Variants in DISC1 observed in about 807,000 individuals in gnomAD.
DISC1 encodes DISC1 scaffold protein.
A neutral mutation model predicts 84.5 loss-of-function variants in DISC1; 57 were observed. The observed-to-expected ratio is 0.67, with a 90% CI of 0.55 to 0.84. The LOEUF (loss-of-function observed/expected upper bound fraction) is 0.84, where lower values mean the gene tolerates loss of function less well. Among genes scored for constraint, DISC1 ranks in the 40% least tolerant of loss-of-function variants. The pLI is 0.00. For missense variants in DISC1, 1,000 were observed against 1,057.8 expected, an observed-to-expected ratio of 0.95 and a Z score of 0.76; for synonymous variants, 411 against 415.2, an observed-to-expected ratio of 0.99 and a Z score of 0.12.
intron 9 of DISC1, among the ~76,000 whole-genome samples, chr1:231,895,875 A>G (rs1350690145): frequency 2.0e-5 from 3 of 152,098 alleles, no homozygotes; most frequent in East Asian, 3.9e-4. Flanking sequence ...CTTTGCCCCA[A>G]ATTCATTTCC....
intron 9 of DISC1, among the ~76,000 whole-genome samples, chr1:231,887,485 T>C (rs988535822): frequency 2.0e-5 from 3 of 152,258 alleles, no homozygotes; most frequent in African/African-American, 7.2e-5. Context: ...GCTCCATTCA[T>C]GTAAAGAGTT....
intron 9 of DISC1, among the ~76,000 whole-genome samples, chr1:231,958,503 A>G (rs1415970201): frequency 1.3e-5 from 2 of 152,240 alleles, no homozygotes; most frequent in African/African-American, 4.8e-5. Context: ...AATGGCTATC[A>G]GTTGGGAAAG....
Position 231,731,874 on chromosome 1 carries a change from C to G in DISC1, c.1118-18052C>G, listed in dbSNP as rs756911455. Among the ~76,000 whole-genome samples the G allele has an allele frequency of 1.3e-5, 2 of 152,250 alleles. 1 individual carries two copies. Among genetic ancestry groups the G allele is most frequent in the South Asian group, 4.1e-4 (2 of 4,838 alleles). On this transcript the variant is annotated intron_variant, in intron 3 of 12. Coordinates refer to ENST00000439617, the MANE Select transcript of DISC1 (RefSeq NM_018662.3). Reference sequence around the variant, plus strand: ...CACTGTGCAAACCCTGAGCCAGACGCTCTGCTCTCAACAGTTACAACAAAG... The same window carrying G: ...CACTGTGCAAACCCTGAGCCAGACGGTCTGCTCTCAACAGTTACAACAAAG...
chr1:231,693,890 C>T lies in DISC1; in HGVS notation c.132C>T (p.Gly44=). The T allele has an allele frequency of 1.2e-6, 2 of 1,614,170 alleles. No homozygotes were observed. The highest frequency in any genetic ancestry group is 1.7e-4 in the Middle Eastern group (1 of 6,038). ...FRRRRLARRP[G]YMRSSTGPGI... ...GGCGGCGGCTGGCACGGAGGCCGGGCTACATGAGAAGCTCGACAGGGCCTG... is the reference window on the plus strand; with the variant it reads ...GGCGGCGGCTGGCACGGAGGCCGGGTTACATGAGAAGCTCGACAGGGCCTG... The change falls in exon 2 of 13, where the codon GGC becomes GGT. Residue 44 remains glycine (G), a synonymous_variant. Transcript: ENST00000439617.
chr1:231,944,063 G>A (rs184388594), intron 9 of DISC1: 1 of 152,148 alleles, frequency 6.6e-6, no homozygotes, highest in Non-Finnish European at 1.5e-5. Context: ...TAGGAGACCA[G>A]GTATGAGTTT....
intron 9 of DISC1, among the ~76,000 whole-genome samples, chr1:231,947,638 A>G (rs1433155908): frequency 6.6e-6 from 1 of 152,244 alleles, no homozygotes; most frequent in African/African-American, 2.4e-5. Context: ...GCTTCTGCAC[A>G]GCAAAAGAAA....
rs1028094243 is a variant in DISC1, at chr1:232,038,464, A to G, written c.*1633A>G. The G allele has an allele frequency of 3.9e-5, 6 of 152,192 alleles. No individual in the cohort carries two copies. The highest frequency in any genetic ancestry group is 2.0e-4 in the Admixed American group (3 of 15,288). The allele number at this position is 152,192 out of a possible 1,614,324, so 9.4% of individuals were successfully genotyped here. ...TTTGGTAAATACACCATACCATAAT[A>G]TCTGCTTGGAGAACCACAATGCACA... On this transcript the variant is annotated 3_prime_UTR_variant, in exon 13 of 13. Transcript: ENST00000439617.
chr1:231,792,936 C>T (rs2078458550), intron 6 of DISC1, among the ~76,000 whole-genome samples: 1 of 152,192 alleles, frequency 6.6e-6, no homozygotes, highest in East Asian at 1.9e-4. Context: ...TCACATGCCC[C>T]ACCTCTGTCA....
intron 11 of DISC1, among the ~76,000 whole-genome samples, chr1:232,014,138 C>T (rs951547206): frequency 1.3e-5 from 2 of 152,180 alleles, no homozygotes; most frequent in African/African-American, 4.8e-5. Flanking sequence ...TGTTTGTCCT[C>T]CTTGTCTTAA....
intron 6 of DISC1, among the ~76,000 whole-genome samples, chr1:231,783,834 C>T (rs575278066): frequency 6.6e-5 from 10 of 152,284 alleles, no homozygotes; most frequent in South Asian, 2.1e-4. Flanking sequence ...ATCAGCACCT[C>T]GATCACAGGA....
At chr1:231,871,284 G>A (rs553602023) in intron 9 of DISC1, among the ~76,000 whole-genome samples, 1 of 152,294 alleles carries the variant, frequency 6.6e-6, no homozygotes, top group South Asian at 2.1e-4. Flanking sequence ...GGCAGGTTCC[G>A]AGGGCAGCAC....
At chr1:231,831,849 TGG>T (rs59813729) in intron 9 of DISC1, among the ~76,000 whole-genome samples, 44,667 of 141,912 alleles carry the variant, frequency 0.31, 5,338 homozygotes, top group East Asian at 0.4. Flanking sequence ...TGAGAGGTAG[TGG>T]GGGGGGGTGG....
At chr1:231,730,615 A>G (rs2071392871) in intron 3 of DISC1, among the ~76,000 whole-genome samples, 1 of 152,250 alleles carries the variant, frequency 6.6e-6, no homozygotes, top group Non-Finnish European at 1.5e-5. Flanking sequence ...AATTGGCCCA[A>G]TAACAACTGG....
rs938264081 is a variant in DISC1 at position 231,868,218 on chromosome 1, G to A, written c.1981+49701G>A. Among the ~76,000 whole-genome samples the A allele has an allele frequency of 1.9e-4, 29 of 152,050 alleles. 1 individual carries two copies. Among genetic ancestry groups the A allele is most frequent in the Admixed American group, 1.8e-3 (28 of 15,272 alleles). On this transcript the variant is annotated intron_variant, in intron 9 of 12. Coordinates refer to ENST00000439617, the MANE Select transcript of DISC1 (RefSeq NM_018662.3). The stretch of plus-strand genomic sequence containing the variant: ...CAAACCCTCCGTTCTCCCCTTTTTA[G>A]GTCAGAAGAGATTCTGCTTTCCTAT...
At chr1:231,970,311 A>G (rs2102816722) in intron 10 of DISC1, among the ~76,000 whole-genome samples, 1 of 152,320 alleles carries the variant, frequency 6.6e-6, no homozygotes, top group Middle Eastern at 3.4e-3. Context: ...ATGAGATGGT[A>G]TCTCATTGTG....
At chr1:231,886,143 C>G (rs1442329672) in intron 9 of DISC1, among the ~76,000 whole-genome samples, 1 of 152,164 alleles carries the variant, frequency 6.6e-6, no homozygotes, top group East Asian at 1.9e-4. Flanking sequence ...GGTGGTGCCC[C>G]CATGACCCAA....
chr1:231,984,595 G>A (rs1190272389), intron 10 of DISC1, among the ~76,000 whole-genome samples: 2 of 152,132 alleles, frequency 1.3e-5, no homozygotes, highest in Admixed American at 1.3e-4. Context: ...ACCTCAGGCT[G>A]GGGACCAGGG....
intron 1 of DISC1, among the ~76,000 whole-genome samples, chr1:231,685,527 A>T (rs1041831734): frequency 6.6e-6 from 1 of 151,998 alleles, no homozygotes; most frequent in Non-Finnish European, 1.5e-5. Flanking sequence ...ATCTTGGCTC[A>T]CTGCAACCTC....
rs1670052379 is a variant in DISC1, at chr1:232,031,510, GGAAA to G, written c.2425+4967_2425+4970del. On this transcript the variant is annotated intron_variant, in intron 12 of 12. Transcript: ENST00000439617. This position sits in a 1 kb window ranked among gnomAD's most constrained non-coding sequence, Gnocchi z 4.6. The stretch of plus-strand genomic sequence containing the variant: ...AAGGAAAGAAAGAAAGGAAAGGAAA[GGAAA>G]GAAAGAAAAGGAAAGGAAAGAAAGA... 6.7e-6 allele frequency among the ~76,000 whole-genome samples: 1 copy of G among 149,840 alleles called. No individual in the cohort carries two copies. The highest frequency in any genetic ancestry group is 6.7e-5 in the Admixed American group (1 of 14,988).
Sources: gnomAD v4.1 joint callset for allele counts (sites outside exome capture counted in the v4.1 genomes callset) on GRCh38, gnomAD v4.1.1 for gene constraint, Gnocchi (gnomAD v3.1) non-coding constraint, MANE v1.5 for transcripts, NCBI Gene and HGNC (gene_info 2026-07-23, HGNC 2026-07-21) for gene names.